MACROD2: variants seen among roughly 807,000 people sequenced by gnomAD.
MACROD2 encodes the protein ADP-ribose glycohydrolase MACROD2.
A neutral mutation model predicts 70.4 loss-of-function variants in MACROD2; 36 were observed. That is an observed-to-expected ratio of 0.51 (90% CI 0.39 to 0.68). The LOEUF (loss-of-function observed/expected upper bound fraction) is 0.68. MACROD2 is among the 30% of genes least tolerant of loss of function. The pLI is 0.00. For missense variants in MACROD2, 496 were observed against 538.4 expected (o/e 0.92, Z 0.78); for synonymous variants, 172 against 178.8 (o/e 0.96, Z 0.30).
intron 5 of MACROD2, among the ~76,000 whole-genome samples, chr20:14,878,862 T>A (rs1367457374): frequency 6.6e-6 from 1 of 152,140 alleles, no homozygotes; most frequent in East Asian, 1.9e-4. Flanking sequence ...GCTTCTATTA[T>A]GTTGCCCAGG....
At chr20:15,307,992 A>G (rs2077714497) in intron 6 of MACROD2, among the ~76,000 whole-genome samples, 1 of 152,058 alleles carries the variant, frequency 6.6e-6, no homozygotes, top group African/African-American at 2.4e-5. Context: ...GCATTTTTTC[A>G]GGGAATATCA....
intron 8 of MACROD2, among the ~76,000 whole-genome samples, chr20:15,790,658 A>T (rs1276732100): frequency 6.6e-6 from 1 of 151,968 alleles, no homozygotes; most frequent in Non-Finnish European, 1.5e-5. Context: ...TCACAGAGAA[A>T]ATAAAAGATG....
intron 4 of MACROD2, among the ~76,000 whole-genome samples, chr20:14,604,032 T>A (rs1327666657): frequency 6.6e-6 from 1 of 152,164 alleles, no homozygotes; most frequent in African/African-American, 2.4e-5. Context: ...TGGACCTTAA[T>A]CGATGCTTTT....
rs1366077709 is a variant in MACROD2 at position 14,894,254 on chromosome 20, G to C, written c.418+209295G>C. The C allele has an allele frequency of 4.0e-5, 6 of 149,116 alleles. No homozygotes were observed. The East Asian group carries it at 6.0e-4, about 15-fold the overall frequency. The allele number at this position is 149,116 out of a possible 1,614,324, so 9.2% of individuals were successfully genotyped here. ...TTTTGTTTGTTTTGTTTTTTGAGATGGAGTCTCACTCTGCCGCCCAGGCTG... is the reference window on the plus strand; with the variant it reads ...TTTTGTTTGTTTTGTTTTTTGAGATCGAGTCTCACTCTGCCGCCCAGGCTG... On this transcript the variant is annotated intron_variant, in intron 5 of 17. Transcript: ENST00000684519.
intron 8 of MACROD2, among the ~76,000 whole-genome samples, chr20:15,540,594 G>A (rs779133109): frequency 5.9e-5 from 9 of 152,206 alleles, no homozygotes; most frequent in Non-Finnish European, 8.8e-5. Context: ...TTGGGTTGAT[G>A]GAGTGTATAT....
chr20:14,016,348 C>G (rs971621387), intron 2 of MACROD2, among the ~76,000 whole-genome samples: 1 of 152,128 alleles, frequency 6.6e-6, no homozygotes, highest in Admixed American at 6.5e-5. Context: ...GGTGTTTTCT[C>G]ACACTTTGTG....
intron 10 of MACROD2, among the ~76,000 whole-genome samples, chr20:15,892,672 A>T (rs1323615020): frequency 6.6e-6 from 1 of 152,206 alleles, no homozygotes; most frequent in African/African-American, 2.4e-5. Context: ...CACATGTGTA[A>T]GATTTTACAT....
chr20:14,712,922 C>T (rs1004601559), intron 5 of MACROD2, among the ~76,000 whole-genome samples: 3 of 151,924 alleles, frequency 2.0e-5, no homozygotes, highest in African/African-American at 7.3e-5. Flanking sequence ...AAAAGACTGT[C>T]AATAGTGGGT....
intron 9 of MACROD2, among the ~76,000 whole-genome samples, chr20:15,869,242 G>T (rs6135579): frequency 0.012 from 713 of 58,830 alleles, 4 homozygotes; most frequent in Middle Eastern, 0.022. Flanking sequence ...TATATATAGA[G>T]AGAGAGAGAG....
chr20:15,563,421 G>A (rs186507351), intron 8 of MACROD2, among the ~76,000 whole-genome samples: 223 of 152,180 alleles, frequency 1.5e-3, no homozygotes, highest in Non-Finnish European at 2.9e-3. Flanking sequence ...CTGCTTTTAT[G>A]GCCTTAGAAA....
intron 5 of MACROD2, among the ~76,000 whole-genome samples, chr20:15,072,370 A>G (rs991136499): frequency 6.6e-6 from 1 of 152,212 alleles, no homozygotes; most frequent in African/African-American, 2.4e-5. Flanking sequence ...AGACAGGATA[A>G]TTCATTTTTC....
At chr20:14,097,887 T>G (rs1339175969) in intron 3 of MACROD2, among the ~76,000 whole-genome samples, 4 of 152,214 alleles carry the variant, frequency 2.6e-5, no homozygotes, top group Non-Finnish European at 5.9e-5. Flanking sequence ...AAAGTCTGTG[T>G]ATGTTAAACT....
intron 3 of MACROD2, among the ~76,000 whole-genome samples, chr20:14,121,877 T>G (rs1339643594): frequency 6.6e-6 from 1 of 152,218 alleles, no homozygotes; most frequent in Non-Finnish European, 1.5e-5. Context: ...ATTGCTTCAT[T>G]AATTTTATAC....
intron 5 of MACROD2, among the ~76,000 whole-genome samples, chr20:15,203,979 A>G (rs983127694): frequency 1.3e-5 from 2 of 152,106 alleles, no homozygotes; most frequent in Non-Finnish European, 2.9e-5. Context: ...GGTATAAAAT[A>G]TTGTGCTTTG....
intron 3 of MACROD2, among the ~76,000 whole-genome samples, chr20:14,139,033 T>C (rs2054836770): frequency 6.6e-6 from 1 of 152,170 alleles, no homozygotes. Context: ...AATTTCATTG[T>C]TTTCTCTACA....
chr20:15,417,262 C>A (rs1159013294), intron 6 of MACROD2, among the ~76,000 whole-genome samples: 3 of 151,888 alleles, frequency 2.0e-5, no homozygotes, highest in African/African-American at 7.3e-5. Flanking sequence ...GGGAAAAAAG[C>A]TTTGATTAGA....
At chr20:15,605,954 A>G (rs1044801507) in intron 8 of MACROD2, among the ~76,000 whole-genome samples, 2 of 152,206 alleles carry the variant, frequency 1.3e-5, no homozygotes, top group Non-Finnish European at 2.9e-5. Context: ...TGCCACATCA[A>G]TTCAGCATAT....
chr20:15,222,977 C>G (rs1010320811), intron 5 of MACROD2, among the ~76,000 whole-genome samples: 1 of 152,190 alleles, frequency 6.6e-6, no homozygotes, highest in Non-Finnish European at 1.5e-5. Flanking sequence ...CCCCACACCT[C>G]TTTCAAAGAA....
chr20:14,454,739 T>TCTCTACA (rs2084280907), intron 3 of MACROD2, among the ~76,000 whole-genome samples: 2 of 149,558 alleles, frequency 1.3e-5, no homozygotes, highest in African/African-American at 4.9e-5. Flanking sequence ...CCTTTTTCTG[T>TCTCTACA]CTCTACACTC....
Sources: gnomAD v4.1 joint callset for allele counts (sites outside exome capture counted in the v4.1 genomes callset) on GRCh38, gnomAD v4.1.1 for gene constraint, MANE v1.5 for transcripts, NCBI Gene and HGNC (gene_info 2026-07-23, HGNC 2026-07-21) for gene names.